The following MTREX variants were observed in gnomAD, a reference collection of about 807,000 sequenced individuals.
The protein encoded by MTREX is Mtr4 exosome RNA helicase, also known as exosome RNA helicase MTR4.
Under a neutral mutation model 135.4 loss-of-function variants are expected in MTREX, and 76 were observed. The observed-to-expected ratio is 0.56, with a 90% CI of 0.47 to 0.68. MTREX has a LOEUF of 0.68. Ranked by LOEUF, MTREX falls within the 30% of genes least tolerant of loss-of-function variation. MTREX has a pLI of 0.00. For synonymous variants in MTREX, 404 were observed against 401.6 expected (o/e 1.01, Z -0.07); for missense variants, 920 against 1,262.1 (o/e 0.73, Z 4.11).
rs556763418 is a variant in MTREX, at chr5:55,382,718, C to T, written c.2052+3523C>T. 2.7e-4 allele frequency among the ~76,000 whole-genome samples: 41 copies of T among 152,144 alleles called. 1 individual carries two copies. Among genetic ancestry groups the T allele is most frequent in the Non-Finnish European group, 4.6e-4 (31 of 67,986 alleles). ...CACAATCTCAGCTCAGGGCAACCTC[C>T]GCCTCCCAGGTTCAAGTGATTCTCC... On this transcript the variant is annotated intron_variant, in intron 18 of 26. Coordinates refer to ENST00000230640, the MANE Select transcript of MTREX (RefSeq NM_015360.5).
chr5:55,346,035 A>G (rs1749726945), intron 10 of MTREX, among the ~76,000 whole-genome samples: 2 of 152,166 alleles, frequency 1.3e-5, no homozygotes, highest in African/African-American at 4.8e-5. Context: ...TTGTATGGAT[A>G]TACCACATTT....
At chr5:55,407,203 A>G (rs1750821381) in intron 22 of MTREX, among the ~76,000 whole-genome samples, 1 of 152,180 alleles carries the variant, frequency 6.6e-6, no homozygotes, top group Non-Finnish European at 1.5e-5. Flanking sequence ...GATGTTACAG[A>G]CTCAGATGTC....
Position 55,321,914 on chromosome 5 carries a change from G to A in MTREX, c.135-413G>A, listed in dbSNP as rs1287676233. 2.0e-5 allele frequency among the ~76,000 whole-genome samples: 3 copies of A among 152,054 alleles called. 1 individual carries two copies. Among genetic ancestry groups the A allele is most frequent in the South Asian group, 4.1e-4 (2 of 4,828 alleles). ...TGAGCCACCGTGCCCGGCTCCAAAC[G>A]TCATTTATTGTCACTACTTTTGACC... is the stretch of plus-strand genomic sequence containing the variant. On this transcript the variant is annotated intron_variant, in intron 1 of 26. Transcript: ENST00000230640.
chr5:55,361,772 T>A (rs935760656), intron 15 of MTREX, among the ~76,000 whole-genome samples: 94 of 143,128 alleles, frequency 6.6e-4, no homozygotes, highest in Admixed American at 2.4e-3. Context: ...TTTTTTTTTT[T>A]AATAGAGACA....
At chr5:55,364,759 GTAAA>G (rs1750073262) in intron 15 of MTREX, among the ~76,000 whole-genome samples, 10 of 152,174 alleles carry the variant, frequency 6.6e-5, no homozygotes, top group Admixed American at 5.9e-4. Flanking sequence ...GACAAATTGA[GTAAA>G]TAGTCTGCAA....
At chr5:55,347,229 A>C in intron 11 of MTREX, 85 bp downstream of exon 11, 2 of 1,343,648 alleles carry the variant, frequency 1.5e-6, no homozygotes, top group South Asian at 2.7e-5. Flanking sequence ...TCTGTTACAT[A>C]TTACTAGGAT....
At chr5:55,414,067 C>A (rs1389671615) in intron 23 of MTREX, 115 bp from the exon 24 acceptor site, 2 of 668,094 alleles carry the variant, frequency 3.0e-6, no homozygotes, top group East Asian at 2.9e-5. Context: ...TGACTAAGGT[C>A]TTATAATTTG....
chr5:55,355,181 C>T (rs572820434), intron 14 of MTREX, among the ~76,000 whole-genome samples: 1 of 152,212 alleles, frequency 6.6e-6, no homozygotes, highest in Admixed American at 6.5e-5. Context: ...AGTGGGTGTG[C>T]ATGATGGGTG....
intron 6 of MTREX, among the ~76,000 whole-genome samples, chr5:55,340,968 A>T (rs1440452511): frequency 1.3e-5 from 2 of 152,156 alleles, no homozygotes; most frequent in Non-Finnish European, 2.9e-5. Flanking sequence ...GAATATCTTA[A>T]GTTTTGGACA....
intron 23 of MTREX, among the ~76,000 whole-genome samples, chr5:55,411,892 A>G (rs1750889531): frequency 1.3e-5 from 2 of 152,230 alleles, no homozygotes; most frequent in East Asian, 3.8e-4. Context: ...GTTTGGGGAT[A>G]AGTGGTCTTC....
At chr5:55,348,188 G>A (rs567965165) in intron 11 of MTREX, among the ~76,000 whole-genome samples, 11 of 152,244 alleles carry the variant, frequency 7.2e-5, no homozygotes, top group South Asian at 6.2e-4. Context: ...CTTTTTTGTC[G>A]TGGAATCCCA....
At chr5:55,343,917 G>A (rs1001547792) in intron 8 of MTREX, among the ~76,000 whole-genome samples, 10 of 152,114 alleles carry the variant, frequency 6.6e-5, no homozygotes, top group East Asian at 1.9e-4. Flanking sequence ...TGACTTTAGC[G>A]TCTGTATATG....
intron 1 of MTREX, among the ~76,000 whole-genome samples, chr5:55,319,099 TTAGAG>T (rs1186672532): frequency 1.3e-5 from 2 of 152,194 alleles, no homozygotes; most frequent in Admixed American, 6.5e-5. Flanking sequence ...TCTGAACTGT[TTAGAG>T]TAAGTTGCAG....
chr5:55,378,632 C>T (rs1382523153), intron 17 of MTREX, 146 bp downstream of exon 17: 6 of 989,230 alleles, frequency 6.1e-6, no homozygotes, highest in South Asian at 2.0e-5. Context: ...TTACCTGTTT[C>T]ACATGGCACT....
At chr5:55,376,466 G>A (rs533354833) in intron 16 of MTREX, among the ~76,000 whole-genome samples, 5 of 152,328 alleles carry the variant, frequency 3.3e-5, no homozygotes, top group East Asian at 1.9e-4. Flanking sequence ...AAAATGAGCC[G>A]TTTGAATGGA....
chr5:55,369,987 G>A (rs1200632336), intron 16 of MTREX, among the ~76,000 whole-genome samples: 2 of 150,170 alleles, frequency 1.3e-5, no homozygotes, highest in African/African-American at 2.5e-5. Flanking sequence ...ACAATGGCAC[G>A]ATCTCGGCTC....
Position 55,422,874 on chromosome 5 carries a change from C to A in MTREX, c.2972-4C>A, listed in dbSNP as rs570989974. On this transcript the variant is annotated splice_region_variant and splice_polypyrimidine_tract_variant and intron_variant, in intron 25 of 26. Transcript: ENST00000230640. ...TACCAGTGTTTTGTTCCTTTTCTATCCAGGCAGCATAATTCGTTGTATGAG... is the reference window on the plus strand; with the variant it reads ...TACCAGTGTTTTGTTCCTTTTCTATACAGGCAGCATAATTCGTTGTATGAG... 1 of 1,608,494 alleles carries A rather than the reference C, an allele frequency of 6.2e-7. No homozygotes were observed. Among genetic ancestry groups the A allele is most frequent in the Non-Finnish European group, 8.5e-7 (1 of 1,177,686 alleles).
chr5:55,322,601 A>G (rs1245988119), intron 2 of MTREX, 137 bp downstream of exon 2: 1 of 605,450 alleles, frequency 1.7e-6, no homozygotes, highest in Non-Finnish European at 2.7e-6. Context: ...ATTTTTACAC[A>G]GGCATGTAAA....
chr5:55,378,539 T>C, intron 17 of MTREX, 53 bp downstream of exon 17: 3 of 1,516,628 alleles, frequency 2.0e-6, no homozygotes, highest in Non-Finnish European at 2.7e-6. Context: ...TTTAAACATA[T>C]TTTTGTTAAA....
Sources: allele counts gnomAD v4.1 joint callset (sites outside exome capture counted in the v4.1 genomes callset), GRCh38; gene constraint gnomAD v4.1.1; transcripts MANE v1.5; gene names NCBI Gene and HGNC (gene_info 2026-07-23, HGNC 2026-07-21).